KIRREL3: variants seen among roughly 807,000 people sequenced by gnomAD.
KIRREL3 encodes kirre like nephrin family adhesion molecule 3, also known as kin of IRRE-like protein 3.
A neutral mutation model predicts 89.7 loss-of-function variants in KIRREL3; 36 were observed. The ratio of observed to expected loss-of-function variants is 0.40; its 90% CI spans 0.31 to 0.53. The LOEUF is 0.53. KIRREL3 is among the 20% of genes least tolerant of loss of function. KIRREL3 has a pLI of 0.49. For missense variants in KIRREL3, 864 were observed against 1,056.6 expected (o/e 0.82, Z 2.53); for synonymous variants, 445 against 441.4 (o/e 1.01, Z -0.10).
intron 1 of KIRREL3, among the ~76,000 whole-genome samples, chr11:126,907,855 C>A (rs1183441106): frequency 1.3e-5 from 2 of 152,124 alleles, no homozygotes; most frequent in African/African-American, 4.8e-5. Context: ...CCATCAAGTC[C>A]AGGCCCTTTC....
chr11:126,591,680 C>A (rs1004773715), intron 1 of KIRREL3, among the ~76,000 whole-genome samples: 1 of 152,192 alleles, frequency 6.6e-6, no homozygotes, highest in Admixed American at 6.6e-5. Context: ...AAGGCCTGAA[C>A]TGGGTGAGGA....
rs1477877854 is a variant in KIRREL3, at chr11:126,664,944, C to T, written c.56-102032G>A. ...AGGCAGAATGAACTGTGCTCTTACT[C>T]TGCAGCCTTCGACACATTATTCATA... is the stretch of plus-strand genomic sequence containing the variant. On this transcript the variant is annotated intron_variant, in intron 1 of 16. Transcript: ENST00000525144. The surrounding 1 kb of genome is among the most constrained non-coding windows in gnomAD (Gnocchi z 5.4). Among the ~76,000 whole-genome samples the T allele has an allele frequency of 6.6e-6, 1 of 152,220 alleles. No individual in the cohort carries two copies. Among genetic ancestry groups the T allele is most frequent in the Non-Finnish European group, 1.5e-5 (1 of 68,042 alleles).
chr11:126,718,835 C>T (rs866520558), intron 1 of KIRREL3, among the ~76,000 whole-genome samples: 10 of 152,152 alleles, frequency 6.6e-5, no homozygotes, highest in African/African-American at 1.2e-4. Flanking sequence ...CCCATTGATA[C>T]GATACAGGGG....
chr11:126,572,846 G>T (rs1396854438), intron 1 of KIRREL3, among the ~76,000 whole-genome samples: 1 of 152,154 alleles, frequency 6.6e-6, no homozygotes, highest in Non-Finnish European at 1.5e-5. Flanking sequence ...GATCACTGAG[G>T]ATTAACTGAA....
In KIRREL3 at chr11:126,552,586, C is replaced by G. The variant is rs146982797; in HGVS notation, c.133+10249G>C. Among the ~76,000 whole-genome samples the G allele has an allele frequency of 6.0e-3, 333 of 55,722 alleles. 3 individuals carry two copies. Among genetic ancestry groups the G allele is most frequent in the East Asian group, 0.043 (92 of 2,124 alleles). 36.6% of individuals were successfully genotyped at this position (55,722 alleles called of 152,430 possible). Reference sequence around the variant, plus strand: ...TTTTTTTTTTTTTTTTTTTTTGAGACAGAGTTTTGCTGTTGCTCCGGCTGA... The same window carrying G: ...TTTTTTTTTTTTTTTTTTTTTGAGAGAGAGTTTTGCTGTTGCTCCGGCTGA... On this transcript the variant is annotated intron_variant, in intron 2 of 16. Transcript: ENST00000525144.
chr11:126,956,337 C>T (rs918864460), intron 1 of KIRREL3, among the ~76,000 whole-genome samples: 2 of 152,158 alleles, frequency 1.3e-5, no homozygotes, highest in Non-Finnish European at 2.9e-5. Context: ...CTTTGGTTAG[C>T]GAATCTGATG....
At chr11:126,701,695 G>T (rs1419548354) in intron 1 of KIRREL3, among the ~76,000 whole-genome samples, 1 of 151,996 alleles carries the variant, frequency 6.6e-6, no homozygotes, top group African/African-American at 2.4e-5. Flanking sequence ...GGAGGAGGTG[G>T]GCTGGGATCT....
chr11:126,973,127 A>T (rs1015503655), intron 1 of KIRREL3, among the ~76,000 whole-genome samples: 12 of 150,720 alleles, frequency 8.0e-5, no homozygotes, highest in Admixed American at 7.3e-4. Context: ...AAAAGACAGA[A>T]ATTGAGTCCC....
At chr11:126,966,412 G>A (rs1181065605) in intron 1 of KIRREL3, among the ~76,000 whole-genome samples, 2 of 152,106 alleles carry the variant, frequency 1.3e-5, no homozygotes, top group African/African-American at 4.8e-5. Context: ...TTGTTATCTT[G>A]GGCGTATTGA....
intron 1 of KIRREL3, among the ~76,000 whole-genome samples, chr11:126,658,789 T>C (rs974478970): frequency 6.6e-6 from 1 of 152,206 alleles, no homozygotes; most frequent in Non-Finnish European, 1.5e-5. Flanking sequence ...AGACTGACGT[T>C]TGGTTAATCT....
At chr11:126,753,615 T>A (rs1949405610) in intron 1 of KIRREL3, among the ~76,000 whole-genome samples, 1 of 152,166 alleles carries the variant, frequency 6.6e-6, no homozygotes, top group African/African-American at 2.4e-5. Flanking sequence ...TCTTGGACAG[T>A]GGAGATCTAG....
At position 126,456,410 on chromosome 11, in the gene KIRREL3, C is replaced by A; in HGVS notation, c.787G>T (p.Glu263Ter). The A allele has an allele frequency of 6.3e-7, 1 of 1,575,604 alleles. No homozygotes were observed. Among genetic ancestry groups the A allele is most frequent in the Non-Finnish European group, 8.6e-7 (1 of 1,161,722 alleles). The part of the protein sequence containing the change: ...NLSVEPQPVL[E>*]DNVVTFHCSA... ...CAGTGGAAAGTGACGACGTTGTCCT[C>A]CAGCACTGGCTGTGGCTCCACCGAG... The change falls in exon 7 of 17, where the codon GAG becomes TAG. Residue 263 changes from glutamate (E) to a stop codon, truncating the protein, a stop_gained. Coordinates refer to ENST00000525144, the MANE Select transcript of KIRREL3 (RefSeq NM_032531.4). LOFTEE classifies it high-confidence loss of function.
At chr11:126,451,845 T>A (rs560853741) in intron 7 of KIRREL3, among the ~76,000 whole-genome samples, 10 of 152,310 alleles carry the variant, frequency 6.6e-5, no homozygotes, top group African/African-American at 2.2e-4. Flanking sequence ...GAACTTCTCT[T>A]CAGGCTGTTA....
At chr11:126,751,028 G>GA (rs1949318705) in intron 1 of KIRREL3, among the ~76,000 whole-genome samples, 1 of 152,162 alleles carries the variant, frequency 6.6e-6, no homozygotes, top group Admixed American at 6.5e-5. Context: ...ATTTGGACAG[G>GA]AAAATCAATT....
chr11:126,444,124 T>C (rs1955695576), intron 10 of KIRREL3, among the ~76,000 whole-genome samples: 1 of 152,230 alleles, frequency 6.6e-6, no homozygotes, highest in Non-Finnish European at 1.5e-5. Context: ...CCCTTGTCCC[T>C]ACATATTTCA....
intron 1 of KIRREL3, among the ~76,000 whole-genome samples, chr11:126,590,534 T>TGCTGTGGCTC (rs1466385699): frequency 1.3e-5 from 2 of 152,340 alleles, no homozygotes; most frequent in East Asian, 3.9e-4. Context: ...CATGCGGCCC[T>TGCTGTGGCTC]GCTGTGGCTC....
rs998352135 is a variant in KIRREL3 at position 126,744,209 on chromosome 11, G to C, written c.56-181297C>G. Among the ~76,000 whole-genome samples the C allele has an allele frequency of 2.0e-5, 3 of 151,746 alleles. No homozygotes were observed. Among genetic ancestry groups the C allele is most frequent in the Admixed American group, 6.6e-5 (1 of 15,240 alleles). ...TTGGGTGCCAGTCAAGGGACAAAAT[G>C]GACATTGGTTTGTCTTCTGAAACAC... On this transcript the variant is annotated intron_variant, in intron 1 of 16. Transcript: ENST00000525144. This position sits in a 1 kb window ranked among gnomAD's most constrained non-coding sequence, Gnocchi z 4.7.
At chr11:126,518,466 T>A (rs1958485633) in intron 4 of KIRREL3, among the ~76,000 whole-genome samples, 1 of 152,268 alleles carries the variant, frequency 6.6e-6, no homozygotes, top group African/African-American at 2.4e-5. Context: ...TACCATCTGA[T>A]TCTGCTTTCG....
At chr11:126,674,858 TG>T (rs1336027978) in intron 1 of KIRREL3, among the ~76,000 whole-genome samples, 1 of 151,414 alleles carries the variant, frequency 6.6e-6, no homozygotes, top group Non-Finnish European at 1.5e-5. Context: ...AACACATTAC[TG>T]GTGTCTGCCA....
Sources: allele counts gnomAD v4.1 joint callset (sites outside exome capture counted in the v4.1 genomes callset), GRCh38; gene constraint gnomAD v4.1.1; non-coding constraint Gnocchi (gnomAD v3.1); transcripts MANE v1.5; gene names NCBI Gene and HGNC (gene_info 2026-07-23, HGNC 2026-07-21).